Variants in LPCAT1 observed in about 807,000 individuals in gnomAD.
LPCAT1 encodes the protein 1-acylglycerol-3-phosphate O-acyltransferase.
In LPCAT1, 23 loss-of-function variants were observed where a neutral mutation model predicts 60.9. The observed-to-expected ratio is 0.38, with a 90% CI of 0.27 to 0.53. LPCAT1 has a LOEUF of 0.53. Among genes scored for constraint, LPCAT1 ranks in the 20% least tolerant of loss-of-function variants. LPCAT1 has a pLI of 0.82. For synonymous variants in LPCAT1, 340 were observed against 301.1 expected, an observed-to-expected ratio of 1.13 and a Z score of -1.34; for missense variants, 622 against 723.6, an observed-to-expected ratio of 0.86 and a Z score of 1.61.
intron 8 of LPCAT1, among the ~76,000 whole-genome samples, chr5:1,478,173 G>C (rs1329420079): frequency 6.6e-6 from 1 of 152,266 alleles, no homozygotes; most frequent in Non-Finnish European, 1.5e-5. Flanking sequence ...CAGTGAATTT[G>C]TCCTTGCCTG....
At chr5:1,503,615 T>A (rs1736094545) in intron 1 of LPCAT1, among the ~76,000 whole-genome samples, 1 of 152,256 alleles carries the variant, frequency 6.6e-6, no homozygotes, top group African/African-American at 2.4e-5. Flanking sequence ...TGTCCGCTCC[T>A]GTCACTTCCT....
At chr5:1,474,911 C>A (rs1734838686) in intron 9 of LPCAT1, among the ~76,000 whole-genome samples, 1 of 152,250 alleles carries the variant, frequency 6.6e-6, no homozygotes, top group Admixed American at 6.5e-5. Context: ...CTGACACAGA[C>A]TGCCATCACG....
At chr5:1,520,149 C>T (rs898995858) in intron 1 of LPCAT1, among the ~76,000 whole-genome samples, 3 of 152,272 alleles carry the variant, frequency 2.0e-5, no homozygotes, top group African/African-American at 7.2e-5. Context: ...ACTGCAAACA[C>T]AGCCATCCAC....
Position 1,467,129 on chromosome 5 carries a change from G to A in LPCAT1, c.1279-239C>T, listed in dbSNP as rs565708030. On this transcript the variant is annotated intron_variant, in intron 12 of 13. Transcript: ENST00000283415. ...ACACAGCAGATGCTTCTCGGGCAAG[G>A]GCTCAGACGCTGCCCACCCCACCCG... 3.7e-4 allele frequency: 147 copies of A among 399,914 alleles called. 1 individual carries two copies. Among genetic ancestry groups the A allele is most frequent in the African/African-American group, 2.9e-3 (140 of 48,710 alleles). 24.8% of individuals were successfully genotyped at this position (399,914 alleles called of 1,614,324 possible). A position where few individuals can be genotyped will look rare whatever the true frequency, so the allele number is the denominator to read the frequency against.
chr5:1,500,220 G>A (rs1735955236), intron 2 of LPCAT1, among the ~76,000 whole-genome samples: 1 of 152,266 alleles, frequency 6.6e-6, no homozygotes. Context: ...ACAACACATG[G>A]AAGGGTTGTC....
At position 1,463,323 on chromosome 5, in the gene LPCAT1, T is replaced by G; in HGVS notation, c.*328A>C. ...GGTGCACGCTGCCGCCGGAAGAGGC[T>G]GTGACAGAGACTCGAAACCAGGGCC... On this transcript the variant is annotated 3_prime_UTR_variant, in exon 14 of 14. Transcript: ENST00000283415. 3.4e-6 allele frequency: 1 copy of G among 293,020 alleles called. No individual in the cohort carries two copies. Among genetic ancestry groups the G allele is most frequent in the Admixed American group, 4.9e-5 (1 of 20,496 alleles). The allele number at this position is 293,020 out of a possible 1,614,324, so 18.2% of individuals were successfully genotyped here.
rs1455370259 is a variant in LPCAT1 at position 1,496,266 on chromosome 5, C to A, written c.279-1352G>T. Reference sequence around the variant, plus strand: ...ATCCCAGCCACTCAGGAGGCTGAGGCAGGAGAACTGCTTGAACCCAAGGGG... The same window carrying A: ...ATCCCAGCCACTCAGGAGGCTGAGGAAGGAGAACTGCTTGAACCCAAGGGG... On this transcript the variant is annotated intron_variant, in intron 2 of 13. Coordinates refer to ENST00000283415, the MANE Select transcript of LPCAT1 (RefSeq NM_024830.5). This position sits in a 1 kb window ranked among gnomAD's most constrained non-coding sequence, Gnocchi z 4.7. Among the ~76,000 whole-genome samples, 1 of 152,106 alleles carries A rather than the reference C, an allele frequency of 6.6e-6. No individual in the cohort carries two copies. The highest frequency in any genetic ancestry group is 1.5e-5 in the Non-Finnish European group (1 of 68,014).
chr5:1,473,574 G>T (rs909286710), intron 11 of LPCAT1, among the ~76,000 whole-genome samples: 1 of 152,196 alleles, frequency 6.6e-6, no homozygotes, highest in African/African-American at 2.4e-5. Flanking sequence ...CCTCTAAGCC[G>T]ATCATAGAGG....
chr5:1,480,284 G>A lies in LPCAT1; in HGVS notation c.762-609C>T. On this transcript the variant is annotated intron_variant, in intron 7 of 13. Transcript: ENST00000283415. The surrounding 1 kb of genome is among the most constrained non-coding windows in gnomAD (Gnocchi z 6.4). Reference sequence around the variant, plus strand: ...GCTGGGAGCCTCCACACGCCAGCCTGGGAAGCGCTGACCTCAACACCTTCA... The same window carrying A: ...GCTGGGAGCCTCCACACGCCAGCCTAGGAAGCGCTGACCTCAACACCTTCA... 1 of 976,680 alleles carries A rather than the reference G, an allele frequency of 1.0e-6. No homozygotes were observed. Among genetic ancestry groups the A allele is most frequent in the Non-Finnish European group, 1.2e-6 (1 of 823,100 alleles). 60.5% of individuals were successfully genotyped at this position (976,680 alleles called of 1,614,324 possible). A position where few individuals can be genotyped will look rare whatever the true frequency, so the allele number is the denominator to read the frequency against.
Position 1,502,931 on chromosome 5 carries a change from C to T in LPCAT1, c.136-1328G>A, listed in dbSNP as rs36983. 0.33 allele frequency among the ~76,000 whole-genome samples: 50,334 copies of T among 152,086 alleles called. 9,254 individuals are homozygous for T. Among genetic ancestry groups the T allele is most frequent in the Middle Eastern group, 0.42 (123 of 294 alleles). ...TTAAAGGGAATGACAATTTAATATA[C>T]AGCTCATTTCGCCCGGTATATCTGA... On this transcript the variant is annotated intron_variant, in intron 1 of 13. Transcript: ENST00000283415. The surrounding 1 kb of genome is among the most constrained non-coding windows in gnomAD (Gnocchi z 5.5).
In LPCAT1 at chr5:1,477,389, G is replaced by A. The variant is rs766434835; in HGVS notation, c.899+15C>T. 1.2e-6 allele frequency: 2 copies of A among 1,611,936 alleles called. No homozygotes were observed. Among genetic ancestry groups the A allele is most frequent in the Non-Finnish European group, 8.5e-7 (1 of 1,178,258 alleles). ...ACCCCTGACTCGGCGATGGGGGAAG[G>A]AGCTGCTCACTTACTCGGCCATGAC... On this transcript the variant is annotated intron_variant, in intron 9 of 13. Transcript: ENST00000283415. The surrounding 1 kb of genome is among the most constrained non-coding windows in gnomAD (Gnocchi z 6.0).
At chr5:1,484,068 C>T (rs2126534078) in intron 5 of LPCAT1, among the ~76,000 whole-genome samples, 1 of 152,380 alleles carries the variant, frequency 6.6e-6, no homozygotes, top group Middle Eastern at 3.4e-3. Flanking sequence ...GCCGCCCTCA[C>T]CTGCCCCTGG....
In LPCAT1 at chr5:1,523,095, G is replaced by T. The variant is rs1334894588; in HGVS notation, c.135+615C>A. ...GCATGCACCCCAGAAGGCAACGTGC[G>T]GCCGCAGAGCAGGGAGACCCGTGCG... On this transcript the variant is annotated intron_variant, in intron 1 of 13. Coordinates refer to ENST00000283415, the MANE Select transcript of LPCAT1 (RefSeq NM_024830.5). The surrounding 1 kb of genome is among the most constrained non-coding windows in gnomAD (Gnocchi z 7.1). 1.3e-5 allele frequency among the ~76,000 whole-genome samples: 2 copies of T among 152,240 alleles called. No individual in the cohort carries two copies. The highest frequency in any genetic ancestry group is 4.8e-5 in the African/African-American group (2 of 41,470).
At chr5:1,513,044 G>A (rs1194632994) in intron 1 of LPCAT1, among the ~76,000 whole-genome samples, 1 of 152,154 alleles carries the variant, frequency 6.6e-6, no homozygotes, top group Non-Finnish European at 1.5e-5. Context: ...AGTAGAGAGT[G>A]CAGAGCCCCA....
intron 11 of LPCAT1, among the ~76,000 whole-genome samples, chr5:1,472,943 A>G (rs1243769078): frequency 1.3e-5 from 2 of 152,084 alleles, no homozygotes; most frequent in African/African-American, 2.4e-5. Flanking sequence ...CACACTCTGC[A>G]TACTTGCGGG....
intron 13 of LPCAT1, among the ~76,000 whole-genome samples, chr5:1,465,054 C>A (rs1734297374): frequency 7.6e-6 from 1 of 131,104 alleles, no homozygotes; most frequent in Non-Finnish European, 1.7e-5. Flanking sequence ...CATGCGCACG[C>A]ACAAGTGCAC....
chr5:1,492,862 T>C (rs1022456538), intron 3 of LPCAT1, among the ~76,000 whole-genome samples: 1 of 152,220 alleles, frequency 6.6e-6, no homozygotes, highest in African/African-American at 2.4e-5. Flanking sequence ...CCAGCCCCCC[T>C]GTCCAAGGAC....
intron 4 of LPCAT1, 65 bp downstream of exon 4, chr5:1,489,681 C>A (rs1735500032): frequency 8.4e-7 from 1 of 1,191,270 alleles, no homozygotes; most frequent in Non-Finnish European, 1.3e-6. Context: ...TCTTTCTCCC[C>A]ACTCGCGAAG....
chr5:1,511,246 G>T (rs550744409), intron 1 of LPCAT1, among the ~76,000 whole-genome samples: 1 of 152,204 alleles, frequency 6.6e-6, no homozygotes, highest in African/African-American at 2.4e-5. Flanking sequence ...TTGGCTCTGC[G>T]GGGTTGACCT....
Sources: allele counts gnomAD v4.1 joint callset (sites outside exome capture counted in the v4.1 genomes callset), GRCh38; gene constraint gnomAD v4.1.1; non-coding constraint Gnocchi (gnomAD v3.1); transcripts MANE v1.5; gene names NCBI Gene and HGNC (gene_info 2026-07-23, HGNC 2026-07-21).